NAPEPLD: variants seen among roughly 807,000 people sequenced by gnomAD.
NAPEPLD encodes the protein N-acyl-phosphatidylethanolamine-hydrolyzing phospholipase D.
Under a neutral mutation model 38.1 loss-of-function variants are expected in NAPEPLD, and 23 were observed. That is an observed-to-expected ratio of 0.60 (90% CI 0.43 to 0.86). The LOEUF (loss-of-function observed/expected upper bound fraction) is 0.86, where lower values mean the gene tolerates loss of function less well. Ranked by LOEUF, NAPEPLD falls within the 40% of genes least tolerant of loss-of-function variation. NAPEPLD has a pLI of 0.00. For missense variants in NAPEPLD, 411 were observed against 476.8 expected, an observed-to-expected ratio of 0.86 and a Z score of 1.28; for synonymous variants, 147 against 162.0, an observed-to-expected ratio of 0.91 and a Z score of 0.71.
chr7:103,145,836 A>G (rs977691486), intron 1 of NAPEPLD, among the ~76,000 whole-genome samples: 4 of 152,118 alleles, frequency 2.6e-5, no homozygotes, highest in African/African-American at 7.2e-5. Flanking sequence ...AGGAAGATAA[A>G]TGACACATTT....
intron 2 of NAPEPLD, among the ~76,000 whole-genome samples, chr7:103,120,712 T>C (rs891944516): frequency 8.6e-6 from 1 of 116,242 alleles, no homozygotes; most frequent in Non-Finnish European, 1.7e-5. Flanking sequence ...TTTTTTTTTT[T>C]TTTTTTTTTT....
chr7:103,103,014 T>C lies in NAPEPLD; in HGVS notation c.*415A>G, dbSNP rs1802617583. Reference sequence around the variant, plus strand: ...AAAGATACTTGTATTTGTAGGCCTCTGAAAAACATCTAGGTAGGTAGAGAG... The same window carrying C: ...AAAGATACTTGTATTTGTAGGCCTCCGAAAAACATCTAGGTAGGTAGAGAG... On this transcript the variant is annotated 3_prime_UTR_variant, in exon 5 of 5. Coordinates refer to ENST00000465647, the MANE Select transcript of NAPEPLD (RefSeq NM_001122838.3). The C allele has an allele frequency of 1.3e-5, 2 of 153,098 alleles. No homozygotes were observed. The highest frequency in any genetic ancestry group is 2.9e-5 in the Non-Finnish European group (2 of 68,360). 9.5% of individuals were successfully genotyped at this position (153,098 alleles called of 1,614,324 possible).
At chr7:103,103,965 C>CCA (rs910246124) in intron 4 of NAPEPLD, among the ~76,000 whole-genome samples, 1 of 151,686 alleles carries the variant, frequency 6.6e-6, no homozygotes, top group African/African-American at 2.4e-5. Flanking sequence ...GTGTGTGTAA[C>CCA]CAAATGCTAG....
chr7:103,125,890 AAAT>A (rs142799732), intron 2 of NAPEPLD, among the ~76,000 whole-genome samples: 103,251 of 145,224 alleles, frequency 0.71, 38,350 homozygotes, highest in Non-Finnish European at 0.82. Flanking sequence ...TCTGTCTCAA[AAAT>A]AATAATAATA....
chr7:103,132,863 A>G (rs907699272), intron 1 of NAPEPLD, among the ~76,000 whole-genome samples: 1 of 152,098 alleles, frequency 6.6e-6, no homozygotes, highest in Admixed American at 6.5e-5. Flanking sequence ...TCTCTAAATA[A>G]TAAGCTTTTT....
intron 2 of NAPEPLD, 46 bp downstream of exon 2, chr7:103,128,437 A>G (rs368326027): frequency 3.6e-5 from 58 of 1,593,690 alleles, no homozygotes; most frequent in Non-Finnish European, 4.7e-5. Context: ...CTAGAGTGTC[A>G]TATATGAAGA....
chr7:103,138,186 C>T (rs1403912689), intron 1 of NAPEPLD, among the ~76,000 whole-genome samples: 2 of 151,874 alleles, frequency 1.3e-5, no homozygotes, highest in Non-Finnish European at 2.9e-5. Context: ...CCATGTTGGC[C>T]AGGCAGGTAG....
chr7:103,130,659 A>G (rs533046896), intron 1 of NAPEPLD, among the ~76,000 whole-genome samples: 92 of 152,278 alleles, frequency 6.0e-4, no homozygotes, highest in African/African-American at 2.2e-3. Flanking sequence ...CAGTGGCTCA[A>G]TCACGGCTCA....
chr7:103,119,614 C>A lies in NAPEPLD; in HGVS notation c.904G>T (p.Asp302Tyr), dbSNP rs1202449548. 3 of 1,613,902 alleles carry A rather than the reference C, an allele frequency of 1.9e-6. No individual in the cohort carries two copies. The South Asian group carries it at 3.3e-5, about 18-fold the overall frequency. ...GCTCCGATGGGAATAGCTGCAAGGT[C>A]AAAAGGTCCAAATCTTTTTCCTATC... ...EEIGKRFGPF[D>Y]LAAIPIGAYE... Residue 302 changes from aspartate (D) to tyrosine (Y), a missense_variant, in exon 3 of 5, where the codon GAC becomes TAC. Physicochemically the swap from Asp to Tyr is radical, Grantham distance 160. Coordinates refer to ENST00000465647, the MANE Select transcript of NAPEPLD (RefSeq NM_001122838.3).
chr7:103,149,398 C>A, upstream of NAPEPLD: 2 of 1,192,588 alleles, frequency 1.7e-6, no homozygotes, highest in Non-Finnish European at 2.1e-6. Context: ...CGCTCGGGTT[C>A]TTCCTAACCC....
At chr7:103,114,339 T>A (rs544632631) in intron 4 of NAPEPLD, among the ~76,000 whole-genome samples, 1 of 152,296 alleles carries the variant, frequency 6.6e-6, no homozygotes, top group South Asian at 2.1e-4. Flanking sequence ...AAAAATTATC[T>A]CTTCTGTTTT....
rs1806315418 is a variant in NAPEPLD at position 103,120,015 on chromosome 7, G to C, written c.503C>G (p.Ser168Cys). The C allele has an allele frequency of 6.2e-7, 1 of 1,614,080 alleles. No homozygotes were observed. The highest frequency in any genetic ancestry group is 1.7e-5 in the Admixed American group (1 of 59,998). Residue 168 changes from serine to cysteine, a missense_variant, in exon 3 of 5, where the codon TCC becomes TGC. Coordinates refer to ENST00000465647, the MANE Select transcript of NAPEPLD (RefSeq NM_001122838.3). ...QYMGPKRFRR[S>C]PCTISELPPI... ...AGGGAGTTCACTTATTGTGCACGGGGAACGACGAAATCGCTTTGGACCCAT... is the reference window on the plus strand; with the variant it reads ...AGGGAGTTCACTTATTGTGCACGGGCAACGACGAAATCGCTTTGGACCCAT...
Position 103,101,340 on chromosome 7 carries a change from C to T in NAPEPLD, c.*2089G>A, listed in dbSNP as rs1802370799. On this transcript the variant is annotated 3_prime_UTR_variant, in exon 5 of 5. Coordinates refer to ENST00000465647, the MANE Select transcript of NAPEPLD (RefSeq NM_001122838.3). ...GCATACATCATATACACACACATTG[C>T]ATACACATTTCCCCTTGACTGATTC... is the stretch of plus-strand genomic sequence containing the variant. The T allele has an allele frequency of 6.6e-6, 1 of 152,160 alleles. No individual in the cohort carries two copies. The highest frequency in any genetic ancestry group is 2.4e-5 in the African/African-American group (1 of 41,426). The allele number at this position is 152,160 out of a possible 1,614,324, so 9.4% of individuals were successfully genotyped here.
Position 103,103,482 on chromosome 7 carries a change from C to G in NAPEPLD, c.1129G>C (p.Val377Leu). The change falls in exon 5 of 5, where the codon GTC becomes CTC. Residue 377 changes from valine to leucine, a missense_variant. By Grantham distance (32) the Val-to-Leu change is conservative. Transcript: ENST00000465647. Reference protein sequence around the residue: ...RYGLNAEDFFVLKHGESRYLN... With the variant: ...RYGLNAEDFFLLKHGESRYLN... ...TATCTTGATTCTCCATGCTTCAAGA[C>G]AAAAAAATCTTCAGCGTTAAGTCCG... The G allele has an allele frequency of 1.3e-6, 2 of 1,596,606 alleles. No individual in the cohort carries two copies. Among genetic ancestry groups the G allele is most frequent in the Non-Finnish European group, 8.5e-7 (1 of 1,175,154 alleles).
At chr7:103,106,093 G>A (rs888209647) in intron 4 of NAPEPLD, among the ~76,000 whole-genome samples, 4 of 152,160 alleles carry the variant, frequency 2.6e-5, no homozygotes, top group Admixed American at 2.6e-4. Context: ...CCCACGGAGG[G>A]TGAGCCAAAG....
intron 4 of NAPEPLD, among the ~76,000 whole-genome samples, chr7:103,107,671 T>G (rs1015307251): frequency 6.6e-6 from 1 of 151,764 alleles, no homozygotes; most frequent in Non-Finnish European, 1.5e-5. Context: ...ATCAACTCAA[T>G]GAATTAAAGC....
chr7:103,141,681 C>T, intron 1 of NAPEPLD: 2 of 911,938 alleles, frequency 2.2e-6, no homozygotes, highest in Non-Finnish European at 3.7e-6. Flanking sequence ...GGCATTCGGG[C>T]ATTGGCTGTA....
At chr7:103,112,544 G>A (rs572776136) in intron 4 of NAPEPLD, among the ~76,000 whole-genome samples, 17 of 152,166 alleles carry the variant, frequency 1.1e-4, no homozygotes, top group African/African-American at 4.1e-4. Context: ...ATAAGTGGGA[G>A]TTGAACAATG....
rs115204244 is a variant in NAPEPLD at position 103,133,154 on chromosome 7, A to T, written c.-16-4362T>A. On this transcript the variant is annotated intron_variant, in intron 1 of 4. Coordinates refer to ENST00000465647, the MANE Select transcript of NAPEPLD (RefSeq NM_001122838.3). ...GGTCTGTGTTTCTAACCTTACCCAC[A>T]CTCTCCACACTCTCCTCTGCTCCAT... is the stretch of plus-strand genomic sequence containing the variant. 6.1e-3 allele frequency among the ~76,000 whole-genome samples: 932 copies of T among 152,092 alleles called. 10 individuals carry two copies. The highest frequency in any genetic ancestry group is 0.021 in the African/African-American group (873 of 41,494).
Sources: allele counts gnomAD v4.1 joint callset (sites outside exome capture counted in the v4.1 genomes callset), GRCh38; gene constraint gnomAD v4.1.1; transcripts MANE v1.5; gene names NCBI Gene and HGNC (gene_info 2026-07-23, HGNC 2026-07-21).